Variants in AKAP13 observed in about 807,000 individuals in gnomAD.
The protein encoded by AKAP13 is A-kinase anchoring protein 13, also known as A-kinase anchor protein 13.
In AKAP13, 80 loss-of-function variants were observed where a neutral mutation model predicts 264.5. The ratio of observed to expected loss-of-function variants is 0.30; its 90% CI spans 0.25 to 0.36. AKAP13 has a LOEUF of 0.36. Ranked by LOEUF, AKAP13 falls within the 10% of genes least tolerant of loss-of-function variation. The pLI is 1.00. For synonymous variants in AKAP13, 1,380 were observed against 1,250.2 expected (o/e 1.10, Z -2.19); for missense variants, 3,712 against 3,435.2 (o/e 1.08, Z -2.01).
intron 1 of AKAP13, among the ~76,000 whole-genome samples, chr15:85,459,307 T>C (rs2074412292): frequency 6.6e-6 from 1 of 151,448 alleles, no homozygotes; most frequent in Non-Finnish European, 1.5e-5. Flanking sequence ...TGCCTCAGCC[T>C]CCGGCATAGC....
At chr15:85,645,770 T>TA (rs1376622606) in intron 9 of AKAP13, 48 bp from the exon 10 acceptor site, 2 of 1,473,668 alleles carry the variant, frequency 1.4e-6, no homozygotes, top group Non-Finnish European at 1.8e-6. Flanking sequence ...TTTTTTGGTT[T>TA]TTTTGTTTTT....
At chr15:85,585,883 CTTAT>C (rs1490762465) in intron 8 of AKAP13, 60 bp downstream of exon 8, 1 of 1,586,276 alleles carries the variant, frequency 6.3e-7, no homozygotes, top group Non-Finnish European at 8.6e-7. Flanking sequence ...TCTGCTGTGT[CTTAT>C]TTATGGCTTT....
intron 1 of AKAP13, among the ~76,000 whole-genome samples, chr15:85,411,185 G>C (rs1005194141): frequency 9.9e-5 from 15 of 152,202 alleles, no homozygotes; most frequent in Admixed American, 9.8e-4. Context: ...AATCAATCAC[G>C]ACAGTGAACT....
At position 85,458,395 on chromosome 15, in the gene AKAP13, T is replaced by TTTTG. The variant is rs1298613436; in HGVS notation, c.-11-27312_-11-27311insGTTT. Among the ~76,000 whole-genome samples the TTTTG allele has an allele frequency of 7.6e-4, 111 of 145,430 alleles. 2 individuals are homozygous for TTTTG. Among genetic ancestry groups the TTTTG allele is most frequent in the African/African-American group, 2.4e-3 (94 of 39,498 alleles). ...TTTTTTTGTATTTTTTGTTTTTTGT[T>TTTTG]TTTTTTTTTTTTTACTATATATGTA... On this transcript the variant is annotated intron_variant, in intron 1 of 36. Transcript: ENST00000394518.
chr15:85,575,762 A>G (rs973787438), intron 6 of AKAP13, among the ~76,000 whole-genome samples: 1 of 152,124 alleles, frequency 6.6e-6, no homozygotes, highest in South Asian at 2.1e-4. Context: ...GGAAGGGCCA[A>G]CACAGGTGGA....
intron 1 of AKAP13, among the ~76,000 whole-genome samples, chr15:85,388,068 T>C (rs1213907970): frequency 6.6e-6 from 1 of 150,916 alleles, no homozygotes; most frequent in African/African-American, 2.4e-5. Context: ...AGAGACTCGC[T>C]CTGTCACCCA....
chr15:85,577,664 T>C (rs969343185), intron 6 of AKAP13: 10 of 420,494 alleles, frequency 2.4e-5, no homozygotes, highest in African/African-American at 2.2e-4. Context: ...GCAAAATCCA[T>C]TTTTGAGATT....
intron 9 of AKAP13, among the ~76,000 whole-genome samples, chr15:85,641,096 C>T (rs1438513945): frequency 1.3e-5 from 2 of 152,104 alleles, no homozygotes; most frequent in African/African-American, 4.8e-5. Context: ...TTGCAGGTTT[C>T]TGTATTTTAC....
At chr15:85,398,312 C>T (rs539981726) in intron 1 of AKAP13, among the ~76,000 whole-genome samples, 2 of 152,236 alleles carry the variant, frequency 1.3e-5, no homozygotes, top group East Asian at 3.9e-4. Flanking sequence ...TTTATTACAA[C>T]AGTAATGTAC....
At chr15:85,624,943 C>T (rs1296469112) in intron 8 of AKAP13, among the ~76,000 whole-genome samples, 1 of 152,186 alleles carries the variant, frequency 6.6e-6, no homozygotes, top group Non-Finnish European at 1.5e-5. Flanking sequence ...CTTCCATTAT[C>T]CCATATTTCA....
At position 85,722,010 on chromosome 15, in the gene AKAP13, A is replaced by C; in HGVS notation, c.6272A>C (p.Glu2091Ala). ...CTGCAGTTTTCAGGTGAGAATGCAG[A>C]ACGTTTAAAGAAGACATATGGCAAG... Reference protein sequence around the residue: ...LVNQFSGENAERLKKTYGKFC... With the variant: ...LVNQFSGENAARLKKTYGKFC... The change falls in exon 24 of 37, where the codon GAA becomes GCA. Residue 2091 changes from glutamate to alanine, a missense_variant. Physicochemically the swap from Glu to Ala is moderately radical, Grantham distance 107. Coordinates refer to ENST00000394518, the MANE Select transcript of AKAP13 (RefSeq NM_007200.5). 6.2e-7 allele frequency: 1 copy of C among 1,614,154 alleles called. No individual in the cohort carries two copies. Among genetic ancestry groups the C allele is most frequent in the Admixed American group, 1.7e-5 (1 of 60,032 alleles).
chr15:85,681,199 T>C (rs2084580231), intron 14 of AKAP13, among the ~76,000 whole-genome samples: 1 of 152,220 alleles, frequency 6.6e-6, no homozygotes, highest in Non-Finnish European at 1.5e-5. Context: ...CAGAGATCCT[T>C]GAAACCAACC....
At chr15:85,516,716 G>C (rs1258344587) in intron 2 of AKAP13, among the ~76,000 whole-genome samples, 1 of 152,106 alleles carries the variant, frequency 6.6e-6, no homozygotes, top group Non-Finnish European at 1.5e-5. Context: ...AAGAAAAAAA[G>C]AAAGCCCTCA....
intron 14 of AKAP13, among the ~76,000 whole-genome samples, chr15:85,675,684 C>G (rs1597015465): frequency 6.6e-6 from 1 of 152,028 alleles, no homozygotes; most frequent in Admixed American, 6.6e-5. Flanking sequence ...GACTGACAGA[C>G]CTAAGGGGTC....
At chr15:85,562,782 G>A (rs1392783346) in intron 5 of AKAP13, among the ~76,000 whole-genome samples, 1 of 136,274 alleles carries the variant, frequency 7.3e-6, no homozygotes. Flanking sequence ...TCCAACCTCT[G>A]CCTCCTGGGT....
At chr15:85,740,738 A>ACAACCC (rs71141481) in intron 34 of AKAP13, among the ~76,000 whole-genome samples, 1 of 127,584 alleles carries the variant, frequency 7.8e-6, no homozygotes, top group Non-Finnish European at 1.7e-5. Flanking sequence ...ACACACACAC[A>ACAACCC]ACCCACCCAC....
At chr15:85,571,027 G>A (rs570956028) in intron 5 of AKAP13, among the ~76,000 whole-genome samples, 175 of 152,148 alleles carry the variant, frequency 1.2e-3, no homozygotes, top group Non-Finnish European at 2.1e-3. Flanking sequence ...ACTGAGAAAG[G>A]AGAAAAGGTC....
intron 8 of AKAP13, among the ~76,000 whole-genome samples, chr15:85,597,332 C>G (rs2079862687): frequency 6.6e-6 from 1 of 152,178 alleles, no homozygotes; most frequent in Admixed American, 6.5e-5. Flanking sequence ...TTGCCCACCT[C>G]TGTCTTAGAC....
At position 85,686,267 on chromosome 15, in the gene AKAP13, G is replaced by A. The variant is rs150559421; in HGVS notation, c.5289+1394G>A. On this transcript the variant is annotated intron_variant, in intron 16 of 36. Coordinates refer to ENST00000394518, the MANE Select transcript of AKAP13 (RefSeq NM_007200.5). ...AGATACATGCATATTTAGAAGTAAGGGAATAAACAAACATTGAATTCAAGA... is the reference window on the plus strand; with the variant it reads ...AGATACATGCATATTTAGAAGTAAGAGAATAAACAAACATTGAATTCAAGA... 7.2e-5 allele frequency among the ~76,000 whole-genome samples: 11 copies of A among 151,932 alleles called. No individual in the cohort carries two copies. The East Asian group carries it at 1.9e-3, about 27-fold the overall frequency.
Sources: gnomAD v4.1 joint callset for allele counts (sites outside exome capture counted in the v4.1 genomes callset) on GRCh38, gnomAD v4.1.1 for gene constraint, MANE v1.5 for transcripts, NCBI Gene and HGNC (gene_info 2026-07-23, HGNC 2026-07-21) for gene names.